The following INSR variants were observed in gnomAD, a reference collection of about 807,000 sequenced individuals.
The protein encoded by INSR is IR.
Under a neutral mutation model 142.6 loss-of-function variants are expected in INSR, and 67 were observed. The ratio of observed to expected loss-of-function variants is 0.47; its 90% CI spans 0.39 to 0.58. INSR has a LOEUF of 0.58. Among genes scored for constraint, INSR ranks in the 20% least tolerant of loss-of-function variants. INSR has a pLI of 0.00. For synonymous variants in INSR, 756 were observed against 743.1 expected (o/e 1.02, Z -0.28); for missense variants, 1,248 against 1,833.2 (o/e 0.68, Z 5.83).
intron 2 of INSR, among the ~76,000 whole-genome samples, chr19:7,234,433 C>T (rs368344362): frequency 1.3e-5 from 2 of 152,240 alleles, no homozygotes; most frequent in East Asian, 3.9e-4. Flanking sequence ...GTCTTGAAGT[C>T]CTGGGCTCAA....
intron 2 of INSR, among the ~76,000 whole-genome samples, chr19:7,255,004 C>A (rs73492822): frequency 6.6e-6 from 1 of 152,008 alleles, no homozygotes; most frequent in East Asian, 1.9e-4. Flanking sequence ...TAGCCCTCAG[C>A]CTCCCCCGGC....
chr19:7,289,125 G>A (rs1968423083), intron 1 of INSR, among the ~76,000 whole-genome samples: 1 of 152,038 alleles, frequency 6.6e-6, no homozygotes. Context: ...GACTGGCAAT[G>A]TCAAACCCAG....
Position 7,166,148 on chromosome 19 carries a change from A to G in INSR, c.1861+6T>C, listed in dbSNP as rs1568459417. 2 of 1,613,868 alleles carry G rather than the reference A, an allele frequency of 1.2e-6. No homozygotes were observed. Among genetic ancestry groups the G allele is most frequent in the Non-Finnish European group, 1.7e-6 (2 of 1,179,982 alleles). ...ATACGAATTCACATTCCCAAGACAC[A>G]CTCACTGGTGGCATCTGTCTGGACA... On this transcript the variant is annotated splice_donor_region_variant and intron_variant, in intron 8 of 21. Coordinates refer to ENST00000302850, the MANE Select transcript of INSR (RefSeq NM_000208.4). This position sits in a 1 kb window ranked among gnomAD's most constrained non-coding sequence, Gnocchi z 4.1.
chr19:7,265,229 C>G (rs1034183267), intron 2 of INSR, among the ~76,000 whole-genome samples: 1 of 152,188 alleles, frequency 6.6e-6, no homozygotes, highest in Non-Finnish European at 1.5e-5. Flanking sequence ...AGAACAGTCA[C>G]TACCATGATC....
chr19:7,118,750 C>CA (rs35928600), intron 21 of INSR, among the ~76,000 whole-genome samples: 9,291 of 129,156 alleles, frequency 0.072, 536 homozygotes, highest in African/African-American at 0.16. Flanking sequence ...ACTAAAAATA[C>CA]AAAAAAAAAA....
At chr19:7,138,561 G>A (rs1222762506) in intron 13 of INSR, among the ~76,000 whole-genome samples, 1 of 151,638 alleles carries the variant, frequency 6.6e-6, no homozygotes, top group Non-Finnish European at 1.5e-5. Flanking sequence ...TTTTTTTGCA[G>A]AGATGGGGTC....
intron 13 of INSR, among the ~76,000 whole-genome samples, chr19:7,139,027 G>A (rs893662720): frequency 6.6e-6 from 1 of 152,040 alleles, no homozygotes; most frequent in Non-Finnish European, 1.5e-5. Flanking sequence ...TTTGCCAAAG[G>A]GACACTAGCA....
At chr19:7,201,415 A>C (rs1196812582) in intron 2 of INSR, among the ~76,000 whole-genome samples, 1 of 152,028 alleles carries the variant, frequency 6.6e-6, no homozygotes, top group East Asian at 2.0e-4. Context: ...ACCTGAAGTC[A>C]GGAGTTCAAG....
Position 7,150,130 on chromosome 19 carries a change from C to G in INSR, c.2267+367G>C, listed in dbSNP as rs1973298627. On this transcript the variant is annotated intron_variant, in intron 11 of 21. Coordinates refer to ENST00000302850, the MANE Select transcript of INSR (RefSeq NM_000208.4). This position sits in a 1 kb window ranked among gnomAD's most constrained non-coding sequence, Gnocchi z 4.2. The stretch of plus-strand genomic sequence containing the variant: ...GGAGCTGCTGGGTCGGGGCACCCAG[C>G]CGCGGGGAGCTCAGACTCCGGGGAC... Among the ~76,000 whole-genome samples, 2 of 152,042 alleles carry G rather than the reference C, an allele frequency of 1.3e-5. No individual in the cohort carries two copies.
chr19:7,172,820 G>A (rs1241128076), intron 4 of INSR, among the ~76,000 whole-genome samples: 1 of 150,300 alleles, frequency 6.7e-6, no homozygotes, highest in Admixed American at 6.6e-5. Context: ...ATCACTTGAG[G>A]TCAGGAGTTC....
intron 2 of INSR, among the ~76,000 whole-genome samples, chr19:7,253,200 G>A (rs1024027676): frequency 1.3e-5 from 2 of 150,998 alleles, no homozygotes; most frequent in Non-Finnish European, 2.9e-5. Flanking sequence ...CCTACCACAT[G>A]CCCTACAGTG....
chr19:7,200,154 GA>G (rs112399407), intron 2 of INSR, among the ~76,000 whole-genome samples: 23,549 of 152,098 alleles, frequency 0.15, 2,664 homozygotes, highest in African/African-American at 0.32. Flanking sequence ...AGAAGCCAAA[GA>G]AAGATGTCAG....
intron 2 of INSR, among the ~76,000 whole-genome samples, chr19:7,191,476 T>C (rs1974587911): frequency 6.6e-6 from 1 of 152,084 alleles, no homozygotes; most frequent in Admixed American, 6.6e-5. Context: ...TTGCTCCCCA[T>C]ACTGGTTCCT....
chr19:7,208,293 A>G (rs1975172681), intron 2 of INSR, among the ~76,000 whole-genome samples: 1 of 151,838 alleles, frequency 6.6e-6, no homozygotes, highest in African/African-American at 2.4e-5. Context: ...CTTGGTTCTC[A>G]CATAGAAATC....
intron 9 of INSR, among the ~76,000 whole-genome samples, chr19:7,162,358 G>T (rs548812860): frequency 2.7e-5 from 4 of 149,732 alleles, no homozygotes. Context: ...AATTACCTGG[G>T]CATGCTGGTG....
Position 7,156,121 on chromosome 19 carries a change from C to T in INSR, c.2030-3194G>A, listed in dbSNP as rs574549986. Among the ~76,000 whole-genome samples, 4 of 116,416 alleles carry T rather than the reference C, an allele frequency of 3.4e-5. No individual in the cohort carries two copies. In the East Asian group the frequency reaches 9.1e-4, roughly 27 times the overall value. 76.4% of individuals were successfully genotyped at this position (116,416 alleles called of 152,430 possible). A position where few individuals can be genotyped will look rare whatever the true frequency, so the allele number is the denominator to read the frequency against. On this transcript the variant is annotated intron_variant, in intron 9 of 21. Transcript: ENST00000302850. ...TGTCGCCCAGGCTGGAGTGCAGTGGCGTGATCTTGGCTCACTGCAGCCTCC... is the reference window on the plus strand; with the variant it reads ...TGTCGCCCAGGCTGGAGTGCAGTGGTGTGATCTTGGCTCACTGCAGCCTCC...
intron 14 of INSR, among the ~76,000 whole-genome samples, chr19:7,129,752 T>G (rs865912744): frequency 1.3e-5 from 2 of 152,282 alleles, no homozygotes; most frequent in Middle Eastern, 3.4e-3. Context: ...ATTTTTATTT[T>G]TTAGAGACAG....
intron 9 of INSR, among the ~76,000 whole-genome samples, chr19:7,162,446 G>A (rs1472414379): frequency 6.7e-6 from 1 of 150,298 alleles, no homozygotes. Flanking sequence ...GGGAGGTGGA[G>A]GTTGCAGTGA....
chr19:7,130,735 T>C lies in INSR; in HGVS notation c.2842+1423A>G, dbSNP rs1972755409. ...GGGAGCCAATTAAACCTCTTTTCTT[T>C]ATAAATTACTGAGTCCCAGTCTCAG... On this transcript the variant is annotated intron_variant, in intron 14 of 21. Coordinates refer to ENST00000302850, the MANE Select transcript of INSR (RefSeq NM_000208.4). Among the ~76,000 whole-genome samples the C allele has an allele frequency of 2.0e-5, 3 of 152,100 alleles. No individual in the cohort carries two copies. In the South Asian group the frequency reaches 6.2e-4, roughly 32 times the overall value.
Sources: allele counts gnomAD v4.1 joint callset (sites outside exome capture counted in the v4.1 genomes callset), GRCh38; gene constraint gnomAD v4.1.1; non-coding constraint Gnocchi (gnomAD v3.1); transcripts MANE v1.5; gene names NCBI Gene and HGNC (gene_info 2026-07-23, HGNC 2026-07-21).